Variants in NAALADL2 observed in about 807,000 individuals in gnomAD.
NAALADL2 encodes the protein N-acetylated alpha-linked acidic dipeptidase like 2, also known as inactive N-acetylated-alpha-linked acidic dipeptidase-like protein 2.
A neutral mutation model predicts 87.2 loss-of-function variants in NAALADL2; 76 were observed. The observed-to-expected ratio is 0.87, with a 90% CI of 0.72 to 1.05. NAALADL2 has a LOEUF of 1.05. Ranked by LOEUF, NAALADL2 falls within the 50% of genes least tolerant of loss-of-function variation. The pLI is 0.00. For synonymous variants in NAALADL2, 354 were observed against 331.0 expected (o/e 1.07, Z -0.75); for missense variants, 1,089 against 945.8 (o/e 1.15, Z -1.99).
At chr3:175,147,863 A>G (rs925193811) in intron 2 of NAALADL2, among the ~76,000 whole-genome samples, 29 of 152,108 alleles carry the variant, frequency 1.9e-4, no homozygotes, top group African/African-American at 6.7e-4. Context: ...TGAGGTCAGG[A>G]GTTCGAGACA....
chr3:174,581,655 A>C (rs945028913), intron 2 of NAALADL2, among the ~76,000 whole-genome samples: 7 of 152,196 alleles, frequency 4.6e-5, no homozygotes, highest in South Asian at 2.1e-4. Context: ...AATTTGAACT[A>C]TCTACCGCAT....
At chr3:174,476,431 T>C (rs761594035) in intron 1 of NAALADL2, among the ~76,000 whole-genome samples, 27 of 151,990 alleles carry the variant, frequency 1.8e-4, no homozygotes, top group Admixed American at 8.5e-4. Flanking sequence ...TTTACTCTTC[T>C]CGTTTTCAGC....
At chr3:175,736,107 G>A (rs1486844970) in intron 11 of NAALADL2, among the ~76,000 whole-genome samples, 1 of 152,140 alleles carries the variant, frequency 6.6e-6, no homozygotes, top group Non-Finnish European at 1.5e-5. Flanking sequence ...AATGGCATTT[G>A]CTGCCAGCCC....
At position 174,613,313 on chromosome 3, in the gene NAALADL2, G is replaced by A. The variant is rs1720121051; in HGVS notation, c.-115+62676G>A. Among the ~76,000 whole-genome samples, 7 of 152,150 alleles carry A rather than the reference G, an allele frequency of 4.6e-5. 1 individual carries two copies. Among genetic ancestry groups the A allele is most frequent in the Admixed American group, 4.6e-4 (7 of 15,280 alleles). ...TCTGTTTTCTCAAGGCCCTGGGGCTGTACAGTTAGCAGATTGACAAGCCAG... is the reference window on the plus strand; with the variant it reads ...TCTGTTTTCTCAAGGCCCTGGGGCTATACAGTTAGCAGATTGACAAGCCAG... On this transcript the variant is annotated intron_variant, in intron 2 of 3. Coordinates refer to the NAALADL2 transcript ENST00000434257.
chr3:174,518,995 T>C (rs2086803525), intron 1 of NAALADL2, among the ~76,000 whole-genome samples: 1 of 152,190 alleles, frequency 6.6e-6, no homozygotes, highest in South Asian at 2.1e-4. Flanking sequence ...AAAAATTTGT[T>C]AGAATATCTC....
At chr3:174,826,278 T>C (rs1336870264) in intron 3 of NAALADL2, among the ~76,000 whole-genome samples, 1 of 152,172 alleles carries the variant, frequency 6.6e-6, no homozygotes, top group Non-Finnish European at 1.5e-5. Context: ...CTAGGACAGG[T>C]GGCAGTAGAG....
intron 5 of NAALADL2, among the ~76,000 whole-genome samples, chr3:175,366,596 T>C (rs1212213031): frequency 2.6e-5 from 4 of 151,896 alleles, no homozygotes; most frequent in African/African-American, 9.7e-5. Context: ...GATTTGCATT[T>C]CTCTGATGGC....
intron 10 of NAALADL2, among the ~76,000 whole-genome samples, chr3:175,587,447 A>G (rs945931849): frequency 6.6e-5 from 10 of 152,242 alleles, no homozygotes; most frequent in Admixed American, 1.3e-4. Context: ...AGATGAAGCC[A>G]TAGCCTGGGC....
intron 5 of NAALADL2, among the ~76,000 whole-genome samples, chr3:175,362,607 T>C (rs1223780033): frequency 6.7e-6 from 1 of 148,470 alleles, no homozygotes; most frequent in East Asian, 2.0e-4. Flanking sequence ...GCTGGTTCCA[T>C]ATTTTTGCAA....
chr3:175,631,286 C>A (rs193286215), intron 11 of NAALADL2, among the ~76,000 whole-genome samples: 2 of 151,530 alleles, frequency 1.3e-5, no homozygotes, highest in East Asian at 3.9e-4. Context: ...GGTAGAAGTG[C>A]AATTTTGTTA....
At chr3:175,392,807 C>G (rs1239849812) in intron 5 of NAALADL2, among the ~76,000 whole-genome samples, 1 of 152,118 alleles carries the variant, frequency 6.6e-6, no homozygotes, top group African/African-American at 2.4e-5. Context: ...CTGCAACCAC[C>G]CAAATTCTTA....
chr3:174,771,763 T>C (rs551927428), intron 3 of NAALADL2, among the ~76,000 whole-genome samples: 230 of 152,308 alleles, frequency 1.5e-3, no homozygotes, highest in Non-Finnish European at 2.4e-3. Context: ...ACTGGAGTGA[T>C]TATTGTAAGA....
At chr3:175,405,317 A>G (rs1712116037) in intron 5 of NAALADL2, among the ~76,000 whole-genome samples, 1 of 152,134 alleles carries the variant, frequency 6.6e-6, no homozygotes, top group African/African-American at 2.4e-5. Flanking sequence ...GGTGGTGTTC[A>G]GGTAGATACA....
chr3:174,808,794 TA>T (rs919987878), intron 3 of NAALADL2, among the ~76,000 whole-genome samples: 104 of 151,720 alleles, frequency 6.9e-4, no homozygotes, highest in African/African-American at 7.2e-4. Flanking sequence ...TATTTTCAAT[TA>T]AAAAAAATGT....
At chr3:174,945,447 C>G (rs1189288829) in intron 1 of NAALADL2, among the ~76,000 whole-genome samples, 1 of 152,120 alleles carries the variant, frequency 6.6e-6, no homozygotes, top group Non-Finnish European at 1.5e-5. Flanking sequence ...AAATTCTAAT[C>G]TTGAATCCCT....
chr3:175,652,020 C>A (rs924118866), intron 11 of NAALADL2, among the ~76,000 whole-genome samples: 5 of 152,132 alleles, frequency 3.3e-5, no homozygotes, highest in Non-Finnish European at 7.3e-5. Flanking sequence ...GCGTGGTACA[C>A]GAGCAGACAC....
intron 2 of NAALADL2, among the ~76,000 whole-genome samples, chr3:175,149,194 C>A: frequency 6.6e-6 from 1 of 152,010 alleles, no homozygotes; most frequent in East Asian, 1.9e-4. Flanking sequence ...TTTATTTTAT[C>A]ATTGTGCCTA....
intron 1 of NAALADL2, among the ~76,000 whole-genome samples, chr3:174,921,653 G>A (rs909441322): frequency 6.6e-6 from 1 of 151,498 alleles, no homozygotes; most frequent in African/African-American, 2.4e-5. Context: ...TACAAAAACA[G>A]AATTAGCTGG....
intron 1 of NAALADL2, among the ~76,000 whole-genome samples, chr3:174,973,962 T>C (rs995654752): frequency 1.3e-5 from 2 of 152,182 alleles, no homozygotes; most frequent in Non-Finnish European, 2.9e-5. Context: ...CAAACCAAAA[T>C]AGAAATGATA....
Sources: allele counts gnomAD v4.1 joint callset (sites outside exome capture counted in the v4.1 genomes callset), GRCh38; gene constraint gnomAD v4.1.1; transcripts MANE v1.5; gene names NCBI Gene and HGNC (gene_info 2026-07-23, HGNC 2026-07-21).